FER1L6: variants seen among roughly 807,000 people sequenced by gnomAD.
The protein encoded by FER1L6 is fer-1 like family member 6, also known as fer-1-like protein 6.
A neutral mutation model predicts 219.2 loss-of-function variants in FER1L6; 177 were observed. The observed-to-expected ratio is 0.81, with a 90% CI of 0.71 to 0.91. FER1L6 has a LOEUF of 0.91. Among genes scored for constraint, FER1L6 ranks in the 40% least tolerant of loss-of-function variants. The pLI, the probability that FER1L6 is intolerant of heterozygous loss-of-function variation, is 0.00. For synonymous variants in FER1L6, 768 were observed against 824.3 expected (o/e 0.93, Z 1.17); for missense variants, 2,153 against 2,259.9 (o/e 0.95, Z 0.96).
chr8:123,987,665 T>G (rs1200504824), intron 12 of FER1L6, among the ~76,000 whole-genome samples: 1 of 152,226 alleles, frequency 6.6e-6, no homozygotes, highest in East Asian at 1.9e-4. Flanking sequence ...GACTTAGATT[T>G]AAGTCTTTAA....
At chr8:124,109,692 C>T (rs1217180111) in intron 39 of FER1L6, among the ~76,000 whole-genome samples, 1 of 152,108 alleles carries the variant, frequency 6.6e-6, no homozygotes, top group Non-Finnish European at 1.5e-5. Flanking sequence ...CATGTTGCTC[C>T]TTCAGCAGTT....
At chr8:124,073,756 T>G (rs1312519385) in intron 31 of FER1L6, among the ~76,000 whole-genome samples, 3 of 152,190 alleles carry the variant, frequency 2.0e-5, no homozygotes, top group African/African-American at 7.2e-5. Flanking sequence ...GTGCCATTGC[T>G]CTCATGGAGA....
chr8:124,022,336 T>G (rs1195892972), intron 17 of FER1L6, among the ~76,000 whole-genome samples: 1 of 152,244 alleles, frequency 6.6e-6, no homozygotes, highest in African/African-American at 2.4e-5. Flanking sequence ...TAGTTTTACC[T>G]GATCACTAGG....
In FER1L6 at chr8:124,013,518, A is replaced by C; in HGVS notation, c.1909A>C (p.Ile637Leu). ...AATGAAAACAGTGCTCAGTGACTTC[A>C]TCAGTCGGAGCAGGTACCGGGAGAG... ...EKMKTVLSDF[I>L]SRSSAFISEA... Residue 637 changes from isoleucine to leucine, a missense_variant, in exon 15 of 41, where the codon ATC (isoleucine) becomes CTC (leucine). Ile to Leu is a conservative substitution (Grantham distance 5). Transcript: ENST00000522917. 6.2e-7 allele frequency: 1 copy of C among 1,606,476 alleles called. No individual in the cohort carries two copies.
intron 12 of FER1L6, among the ~76,000 whole-genome samples, chr8:123,998,212 A>G (rs1465922068): frequency 6.6e-6 from 1 of 152,078 alleles, no homozygotes; most frequent in Admixed American, 6.5e-5. Context: ...TTGGTTACTG[A>G]AGTTGCATCT....
intron 39 of FER1L6, among the ~76,000 whole-genome samples, chr8:124,108,301 G>T (rs1411686723): frequency 6.6e-6 from 1 of 151,766 alleles, no homozygotes; most frequent in Non-Finnish European, 1.5e-5. Flanking sequence ...TTTACTATGA[G>T]CCTCAGCTTT....
intron 1 of FER1L6, among the ~76,000 whole-genome samples, chr8:123,881,230 A>C (rs1817103168): frequency 6.6e-6 from 1 of 152,206 alleles, no homozygotes; most frequent in Admixed American, 6.5e-5. Flanking sequence ...GAACTAAAAA[A>C]AATCCTCACT....
intron 19 of FER1L6, 58 bp downstream of exon 19, chr8:124,035,512 G>A (rs1819160781): frequency 5.9e-6 from 9 of 1,529,764 alleles, no homozygotes; most frequent in Non-Finnish European, 7.9e-6. Context: ...CTTCTGAAAA[G>A]ATAATAAGGA....
intron 22 of FER1L6, among the ~76,000 whole-genome samples, chr8:124,056,136 C>T (rs1820284871): frequency 6.6e-6 from 1 of 152,210 alleles, no homozygotes; most frequent in South Asian, 2.1e-4. Context: ...TCTGCCACAT[C>T]CCTTTTTGCC....
At chr8:124,000,440 G>T (rs964697544) in intron 12 of FER1L6, among the ~76,000 whole-genome samples, 12 of 152,102 alleles carry the variant, frequency 7.9e-5, no homozygotes, top group African/African-American at 2.9e-4. Context: ...TCACTTCAGG[G>T]TTCTATTGGC....
At chr8:123,894,509 T>C (rs1162062847) in intron 1 of FER1L6, among the ~76,000 whole-genome samples, 1 of 152,178 alleles carries the variant, frequency 6.6e-6, no homozygotes, top group Non-Finnish European at 1.5e-5. Context: ...TCATGAGAAA[T>C]TGCTCTGGAA....
intron 1 of FER1L6, among the ~76,000 whole-genome samples, chr8:123,892,196 G>C (rs1225786539): frequency 6.6e-6 from 1 of 152,040 alleles, no homozygotes; most frequent in African/African-American, 2.4e-5. Flanking sequence ...GTAAAATTTG[G>C]TTTTCTCTTT....
rs190525383 is a variant in FER1L6, at chr8:123,856,963, C to T, written c.-8+4778C>T. Among the ~76,000 whole-genome samples the T allele has an allele frequency of 1.9e-3, 291 of 152,128 alleles. 3 individuals are homozygous for T. Among genetic ancestry groups the T allele is most frequent in the Non-Finnish European group, 1.2e-3 (83 of 67,996 alleles). On this transcript the variant is annotated intron_variant, in intron 1 of 40. Coordinates refer to ENST00000522917, the MANE Select transcript of FER1L6 (RefSeq NM_001039112.2). ...TGCTCAGATGAGATGCCTTGACAAGCGTGGGAAAGACAGTAGATTCCATTC... is the reference window on the plus strand; with the variant it reads ...TGCTCAGATGAGATGCCTTGACAAGTGTGGGAAAGACAGTAGATTCCATTC...
chr8:123,866,298 C>T lies in FER1L6; in HGVS notation c.-8+14113C>T, dbSNP rs185068596. On this transcript the variant is annotated intron_variant, in intron 1 of 40. Transcript: ENST00000522917. ...ATTTTTTTAAGGTTGTATAGTATTC[C>T]ATCATGTGTATATATATTTTATATA... Among the ~76,000 whole-genome samples the T allele has an allele frequency of 4.0e-4, 60 of 151,432 alleles. 1 individual carries two copies. The East Asian group carries it at 0.011, about 27-fold the overall frequency.
chr8:123,960,832 A>G (rs1447495129), intron 2 of FER1L6, among the ~76,000 whole-genome samples: 1 of 152,136 alleles, frequency 6.6e-6, no homozygotes, highest in Non-Finnish European at 1.5e-5. Flanking sequence ...TTTTTTCTAA[A>G]TAAGGTAACA....
chr8:124,114,895 G>GTATATATATATATA (rs71289637), intron 39 of FER1L6, among the ~76,000 whole-genome samples: 7 of 90,050 alleles, frequency 7.8e-5, no homozygotes, highest in African/African-American at 1.2e-4. Flanking sequence ...GTGTGTGTGC[G>GTATATATATATATA]TATATATATA....
chr8:123,876,940 A>G (rs1817013883), intron 1 of FER1L6, among the ~76,000 whole-genome samples: 1 of 152,152 alleles, frequency 6.6e-6, no homozygotes, highest in Admixed American at 6.5e-5. Flanking sequence ...AGCTTACCTA[A>G]CCCCATACCT....
At chr8:123,961,656 G>A (rs939020050) in intron 2 of FER1L6, among the ~76,000 whole-genome samples, 2 of 152,138 alleles carry the variant, frequency 1.3e-5, no homozygotes, top group African/African-American at 2.4e-5. Flanking sequence ...TACAGGAGGA[G>A]CTATGAATAT....
At chr8:123,875,309 G>A (rs1490937180) in intron 1 of FER1L6, among the ~76,000 whole-genome samples, 1 of 152,174 alleles carries the variant, frequency 6.6e-6, no homozygotes. Context: ...GGTCACCAGT[G>A]ACTTCCATGC....
Sources: gnomAD v4.1 joint callset for allele counts (sites outside exome capture counted in the v4.1 genomes callset) on GRCh38, gnomAD v4.1.1 for gene constraint, MANE v1.5 for transcripts, NCBI Gene and HGNC (gene_info 2026-07-23, HGNC 2026-07-21) for gene names.